TTLL8: variants seen among roughly 807,000 people sequenced by gnomAD.
TTLL8 encodes tubulin tyrosine ligase like 8, also known as protein monoglycylase TTLL8.
TTLL8 carries 65 observed loss-of-function variants against 77.8 expected under a neutral mutation model. The observed-to-expected ratio is 0.84, with a 90% CI of 0.68 to 1.03. The LOEUF is 1.03. TTLL8 is among the 50% of genes least tolerant of loss of function. The probability of loss-of-function intolerance (pLI) is 0.00; values close to 1 mark genes in which losing one functional copy is unlikely to be tolerated. For synonymous variants in TTLL8, 402 were observed against 422.8 expected, an observed-to-expected ratio of 0.95 and a Z score of 0.60; for missense variants, 910 against 1,004.5, an observed-to-expected ratio of 0.91 and a Z score of 1.27.
chr22:50,039,189 CTCTT>C (rs753181995), intron 8 of TTLL8, among the ~76,000 whole-genome samples: 19 of 152,260 alleles, frequency 1.2e-4, no homozygotes, highest in African/African-American at 3.4e-4. Context: ...AAAATGTTCT[CTCTT>C]TCTCTGTTAC....
At chr22:50,025,536 G>A (rs1389517755) in intron 12 of TTLL8, among the ~76,000 whole-genome samples, 3 of 152,166 alleles carry the variant, frequency 2.0e-5, no homozygotes, top group Admixed American at 2.0e-4. Flanking sequence ...CTACTCGGGA[G>A]GCTGAGGCAG....
At chr22:50,042,319 T>A (rs896336884) in intron 6 of TTLL8, among the ~76,000 whole-genome samples, 4 of 152,232 alleles carry the variant, frequency 2.6e-5, no homozygotes, top group African/African-American at 9.7e-5. Flanking sequence ...TTTTATTTTT[T>A]ATTTTTATTG....
chr22:50,057,209 G>A (rs1569236821), upstream of TTLL8, among the ~76,000 whole-genome samples: 2 of 148,578 alleles, frequency 1.3e-5, no homozygotes, highest in African/African-American at 2.5e-5. Context: ...CTGGATTAGG[G>A]GTCAGCTCTG....
chr22:50,042,007 G>T (rs577284534), intron 6 of TTLL8, among the ~76,000 whole-genome samples, 200 bp from the exon 9 acceptor site: 1 of 152,192 alleles, frequency 6.6e-6, no homozygotes, highest in Non-Finnish European at 1.5e-5. Context: ...TGGATGTCAC[G>T]CCTGTGTCTG....
chr22:50,033,095 G>A, intron 10 of TTLL8, 107 bp downstream of exon 11: 1 of 1,215,142 alleles, frequency 8.2e-7, no homozygotes, highest in Non-Finnish European at 1.1e-6. Context: ...GTGGCAGGTG[G>A]CAGTGAGGGG....
chr22:50,056,852 C>T, upstream of TTLL8: 23 of 1,289,696 alleles, frequency 1.8e-5, no homozygotes, highest in Non-Finnish European at 2.3e-5. The surrounding 1 kb of genome is among the most constrained non-coding windows in gnomAD (Gnocchi z 4.1). Context: ...GGCACACAGG[C>T]AATACACGAT....
exon 12 of TTLL8, chr22:50,030,673 A>C: frequency 7.8e-7 from 1 of 1,284,884 alleles, no homozygotes; most frequent in Non-Finnish European, 1.0e-6. Context: ...GCCCCCCTTA[A>C]GGGTGCCAGC....
At position 50,034,242 on chromosome 22, in the gene TTLL8, C is replaced by T. The variant is rs2061319423; in HGVS notation, c.1039+103G>A. ...CCTCGGCGTTCTGCTCCCTCCCTTC[C>T]TTCCCTGTGGTGCTGTGGGCCTGAA... On this transcript the variant is annotated intron_variant, in intron 9 of 13. Transcript: ENST00000266182. The surrounding 1 kb of genome is among the most constrained non-coding windows in gnomAD (Gnocchi z 4.1). The T allele has an allele frequency of 2.5e-6, 3 of 1,220,584 alleles. No individual in the cohort carries two copies. Among genetic ancestry groups the T allele is most frequent in the Non-Finnish European group, 2.1e-6 (2 of 951,796 alleles). 75.6% of individuals were successfully genotyped at this position (1,220,584 alleles called of 1,614,324 possible).
chr22:50,050,634 A>G (rs925626942), intron 1 of TTLL8, among the ~76,000 whole-genome samples: 12 of 152,292 alleles, frequency 7.9e-5, no homozygotes, highest in East Asian at 3.9e-4. Flanking sequence ...AAAGTAAGAT[A>G]AATAGCCAGA....
chr22:50,023,093 G>T lies in TTLL8; in HGVS notation c.2204-6531C>A, dbSNP rs188458340. 2.6e-5 allele frequency among the ~76,000 whole-genome samples: 4 copies of T among 152,068 alleles called. No homozygotes were observed. In the South Asian group the frequency reaches 6.2e-4, roughly 24 times the overall value. On this transcript the variant is annotated intron_variant, in intron 12 of 13. Transcript: ENST00000266182. The stretch of plus-strand genomic sequence containing the variant: ...TCCATGTACAAAACCAGGGCATTTC[G>T]CACATTTTAGCAACAAACAATTGGA...
At chr22:50,019,698 C>T (rs2061184094) in intron 12 of TTLL8, among the ~76,000 whole-genome samples, 1 of 152,196 alleles carries the variant, frequency 6.6e-6, no homozygotes, top group Non-Finnish European at 1.5e-5. Flanking sequence ...GCTTCAGAAG[C>T]ATCCCTGAAG....
intron 12 of TTLL8, among the ~76,000 whole-genome samples, chr22:50,029,267 A>G (rs13056079): frequency 1.0e-3 from 13 of 12,628 alleles, no homozygotes; most frequent in South Asian, 0.013. Flanking sequence ...CCATCACACC[A>G]TCCTGAAGAC....
intron 6 of TTLL8, among the ~76,000 whole-genome samples, chr22:50,042,747 C>T (rs917882302): frequency 6.6e-6 from 1 of 152,134 alleles, no homozygotes; most frequent in Non-Finnish European, 1.5e-5. Flanking sequence ...CTGGGCAACA[C>T]AGTGAGACCC....
intron 12 of TTLL8, among the ~76,000 whole-genome samples, chr22:50,019,381 C>T (rs1246529061): frequency 6.6e-6 from 1 of 152,184 alleles, no homozygotes; most frequent in Non-Finnish European, 1.5e-5. Context: ...CCCAGTGATC[C>T]TCACCCCCAG....
rs746052114 is a variant in TTLL8 at position 50,050,139 on chromosome 22, C to T, written c.160G>A (p.Asp54Asn). 2.9e-6 allele frequency: 4 copies of T among 1,367,140 alleles called. No homozygotes were observed. In the Admixed American group the frequency reaches 7.6e-5, roughly 26 times the overall value. The allele number at this position is 1,367,140 out of a possible 1,614,324, so 84.7% of individuals were successfully genotyped here. A position where few individuals can be genotyped will look rare whatever the true frequency, so the allele number is the denominator to read the frequency against. The change falls in exon 2 of 14, where the codon GAT becomes AAT. Residue 54 changes from aspartate to asparagine, a missense_variant. By Grantham distance (23) the Asp-to-Asn change is conservative. Around this residue, in one of 2 missense-constraint regions of TTLL8, gnomAD observed 776 missense variants for 926.1 expected, o/e 0.84. Transcript: ENST00000266182. ...ACCCGGGCGCCTTCATCCTCGACAT[C>T]CGGAATGACCTTGGGCAAAAAGTGG... is the stretch of plus-strand genomic sequence containing the variant.
At chr22:50,040,159 C>T (rs982540624) in intron 8 of TTLL8, among the ~76,000 whole-genome samples, 3 of 151,732 alleles carry the variant, frequency 2.0e-5, no homozygotes, top group Non-Finnish European at 2.9e-5. Context: ...GGATGGACCT[C>T]ATGGACCTCA....
At chr22:50,057,498 G>GAGC (rs1177121610), upstream of TTLL8, among the ~76,000 whole-genome samples, 3 of 93,492 alleles carry the variant, frequency 3.2e-5, no homozygotes, top group African/African-American at 4.9e-5. Context: ...GGTCTGGGTT[G>GAGC]GGGTCAGGTC....
chr22:50,027,332 C>G (rs1032476391), intron 12 of TTLL8, among the ~76,000 whole-genome samples: 9 of 151,436 alleles, frequency 5.9e-5, no homozygotes, highest in Non-Finnish European at 8.8e-5. Context: ...TTAGGAGTTT[C>G]CAACCAGCCT....
chr22:50,053,056 T>C (rs967992782), intron 1 of TTLL8, among the ~76,000 whole-genome samples: 4 of 152,108 alleles, frequency 2.6e-5, no homozygotes, highest in Non-Finnish European at 5.9e-5. Context: ...ACCCCGTCTC[T>C]ACTAAAAATA....
Sources: allele counts gnomAD v4.1 joint callset (sites outside exome capture counted in the v4.1 genomes callset), GRCh38; gene constraint gnomAD v4.1.1; regional missense constraint gnomAD v4.1.1; non-coding constraint Gnocchi (gnomAD v3.1); transcripts MANE v1.5; gene names NCBI Gene and HGNC (gene_info 2026-07-23, HGNC 2026-07-21).